Variants in NF1 observed in about 807,000 individuals in gnomAD.
NF1 encodes the protein neurofibromin 1.
In NF1, 122 loss-of-function variants were observed where a neutral mutation model predicts 325.7. The ratio of observed to expected loss-of-function variants is 0.37; its 90% CI spans 0.32 to 0.44. The LOEUF (loss-of-function observed/expected upper bound fraction) is 0.44. NF1 is among the 20% of genes least tolerant of loss of function. The probability of loss-of-function intolerance (pLI) is 1.00; values close to 1 mark genes in which losing one functional copy is unlikely to be tolerated. For missense variants in NF1, 2,140 were observed against 3,415.4 expected, an observed-to-expected ratio of 0.63 and a Z score of 9.31; for synonymous variants, 1,091 against 1,186.0, an observed-to-expected ratio of 0.92 and a Z score of 1.65.
intron 1 of NF1, among the ~76,000 whole-genome samples, chr17:31,106,149 A>C (rs1202087437): frequency 6.6e-6 from 1 of 152,192 alleles, no homozygotes; most frequent in Non-Finnish European, 1.5e-5. Flanking sequence ...TATGTAGTAA[A>C]AGAAAAAGCT....
At chr17:31,221,811 G>C (rs2144002982) in intron 14 of NF1, 39 bp from the exon 15 acceptor site, 1 of 1,430,480 alleles carries the variant, frequency 7.0e-7, no homozygotes, top group Middle Eastern at 2.4e-4. Context: ...ATGTTTGAGT[G>C]AGTCTTCTCT....
chr17:31,215,930 G>A (rs1178653370), intron 13 of NF1, among the ~76,000 whole-genome samples: 2 of 152,078 alleles, frequency 1.3e-5, no homozygotes, highest in Non-Finnish European at 2.9e-5. Context: ...AATTTTTCTT[G>A]GAGAGTGGAG....
chr17:31,273,629 T>TG (rs2067946491), intron 36 of NF1: 1 of 152,184 alleles, frequency 6.6e-6, no homozygotes, highest in African/African-American at 2.4e-5. Flanking sequence ...CCAGCGTCTA[T>TG]GGGGAATCTG....
At chr17:31,352,139 A>C in intron 50 of NF1, 118 bp from the exon 51 acceptor site, 2 of 943,338 alleles carry the variant, frequency 2.1e-6, no homozygotes. Flanking sequence ...TTAAAGTGCA[A>C]TTTTAAAATT....
chr17:31,253,770 A>G (rs1373947566), intron 31 of NF1: 1 of 152,260 alleles, frequency 6.6e-6, no homozygotes. Flanking sequence ...TGTCCAAAAT[A>G]TAATATGCAT....
chr17:31,186,159 A>G (rs1314511047), intron 8 of NF1, among the ~76,000 whole-genome samples: 3 of 152,126 alleles, frequency 2.0e-5, no homozygotes, highest in Admixed American at 2.0e-4. Context: ...CAGGTCCTGA[A>G]GGCACAAGTA....
chr17:31,249,997 G>A (rs1282557954), intron 30 of NF1: 12 of 495,306 alleles, frequency 2.4e-5, no homozygotes, highest in Non-Finnish European at 4.8e-5. Flanking sequence ...GGCTTCAGTT[G>A]CTTAGAGACG....
chr17:31,295,409 C>G (rs143896440), intron 36 of NF1: 1 of 1,613,806 alleles, frequency 6.2e-7, no homozygotes, highest in African/African-American at 1.3e-5. Context: ...TTCCTTTGTT[C>G]GATATTGTTT....
chr17:31,196,444 A>T (rs1174990150), intron 8 of NF1, among the ~76,000 whole-genome samples: 2 of 152,054 alleles, frequency 1.3e-5, no homozygotes, highest in Non-Finnish European at 2.9e-5. Flanking sequence ...ACCCCTTATG[A>T]GATACATTAT....
rs200376987 is a variant in NF1 at position 31,242,305 on chromosome 17, C to CTTTTTTTTTTT, written c.3974+6301_3974+6311dup. ...TCTTTCCCTAGGTTTCATAAGTTCT[C>CTTTTTTTTTTT]TTTTTTTTTTTTTTTTTTTTTTTTT... On this transcript the variant is annotated intron_variant, in intron 29 of 57. Coordinates refer to ENST00000358273, the MANE Select transcript of NF1 (RefSeq NM_001042492.3). 3.0e-4 allele frequency among the ~76,000 whole-genome samples: 21 copies of CTTTTTTTTTTT among 68,862 alleles called. 5 individuals are homozygous for CTTTTTTTTTTT. Among genetic ancestry groups the CTTTTTTTTTTT allele is most frequent in the Admixed American group, 7.5e-4 (4 of 5,312 alleles). The allele number at this position is 68,862 out of a possible 152,430, so 45.2% of individuals were successfully genotyped here.
intron 1 of NF1, among the ~76,000 whole-genome samples, chr17:31,118,206 T>A (rs1914122815): frequency 6.6e-6 from 1 of 152,190 alleles, no homozygotes; most frequent in Non-Finnish European, 1.5e-5. Flanking sequence ...TTTCTTTAAC[T>A]TTTGATTTGA....
intron 1 of NF1, among the ~76,000 whole-genome samples, chr17:31,148,852 A>C (rs1239485492): frequency 2.0e-5 from 3 of 152,138 alleles, no homozygotes; most frequent in African/African-American, 7.2e-5. Flanking sequence ...GACTTCTTAA[A>C]ATTTTAATTT....
intron 32 of NF1, 75 bp downstream of exon 32, chr17:31,258,577 C>T (rs2151462476): frequency 7.1e-7 from 1 of 1,415,118 alleles, no homozygotes; most frequent in Non-Finnish European, 9.9e-7. Context: ...ACAGTACTTC[C>T]TCTTACATTT....
At chr17:31,324,698 A>T (rs984441350) in intron 36 of NF1, among the ~76,000 whole-genome samples, 4 of 152,120 alleles carry the variant, frequency 2.6e-5, no homozygotes, top group Non-Finnish European at 5.9e-5. Flanking sequence ...AGTAGCTGGG[A>T]TTACAGACAT....
intron 12 of NF1, among the ~76,000 whole-genome samples, chr17:31,212,329 C>T (rs570241960): frequency 6.6e-6 from 1 of 152,290 alleles, no homozygotes; most frequent in South Asian, 2.1e-4. Context: ...ACAATGCCTT[C>T]TTCTGGAATA....
At position 31,373,907 on chromosome 17, in the gene NF1, G is replaced by C. The variant is rs1303285570; in HGVS notation, c.8378-106G>C. 5 of 1,426,470 alleles carry C rather than the reference G, an allele frequency of 3.5e-6. No homozygotes were observed. The African/African-American group carries it at 7.1e-5, about 20-fold the overall frequency. 88.4% of individuals were successfully genotyped at this position (1,426,470 alleles called of 1,614,324 possible). A position where few individuals can be genotyped will look rare whatever the true frequency, so the allele number is the denominator to read the frequency against. On this transcript the variant is annotated intron_variant, in intron 57 of 57. Transcript: ENST00000358273. ...ATTTGCACAGACAAAATCGCCTAATGATTGTTTCCTAGAATGTGTCCCCGT... is the reference window on the plus strand; with the variant it reads ...ATTTGCACAGACAAAATCGCCTAATCATTGTTTCCTAGAATGTGTCCCCGT...
chr17:31,222,347 G>A, intron 15 of NF1: 1 of 1,038,416 alleles, frequency 9.6e-7, no homozygotes, highest in Non-Finnish European at 1.2e-6. Context: ...TTCGATGAAT[G>A]AATTAATAAT....
At position 31,145,188 on chromosome 17, in the gene NF1, G is replaced by A. The variant is rs964785157; in HGVS notation, c.61-10795G>A. 2.0e-5 allele frequency among the ~76,000 whole-genome samples: 3 copies of A among 152,038 alleles called. No individual in the cohort carries two copies. The South Asian group carries it at 6.2e-4, about 32-fold the overall frequency. ...TTTAGATCTTTGCATGGGTCTTCCC[G>A]TTCTCATTCATTCATTCATTTTGAG... On this transcript the variant is annotated intron_variant, in intron 1 of 57. Coordinates refer to ENST00000358273, the MANE Select transcript of NF1 (RefSeq NM_001042492.3).
intron 4 of NF1, among the ~76,000 whole-genome samples, chr17:31,167,272 A>G (rs937171681): frequency 6.6e-6 from 1 of 152,162 alleles, no homozygotes; most frequent in African/African-American, 2.4e-5. Context: ...ATTGAGGACA[A>G]CCTCATTCCC....
Sources: allele counts gnomAD v4.1 joint callset (sites outside exome capture counted in the v4.1 genomes callset), GRCh38; gene constraint gnomAD v4.1.1; transcripts MANE v1.5; gene names NCBI Gene and HGNC (gene_info 2026-07-23, HGNC 2026-07-21).